The following GRIN2B variants were observed in gnomAD, a reference collection of about 807,000 sequenced individuals.
GRIN2B encodes glutamate receptor ionotropic, NMDA 2B.
Under a neutral mutation model 114.5 loss-of-function variants are expected in GRIN2B, and 5 were observed. The ratio of observed to expected loss-of-function variants is 0.04; its 90% CI spans 0.02 to 0.09. The LOEUF (loss-of-function observed/expected upper bound fraction) is 0.09, where lower values mean the gene tolerates loss of function less well. GRIN2B is among the 10% of genes least tolerant of loss of function. The pLI is 1.00. For missense variants in GRIN2B, 1,108 were observed against 1,943.5 expected, an observed-to-expected ratio of 0.57 and a Z score of 8.08; for synonymous variants, 787 against 745.1, an observed-to-expected ratio of 1.06 and a Z score of -0.92.
chr12:13,647,960 C>A (rs908299579), intron 5 of GRIN2B, among the ~76,000 whole-genome samples: 2 of 152,010 alleles, frequency 1.3e-5, no homozygotes, highest in African/African-American at 4.8e-5. Context: ...AGTCAGAGAG[C>A]ATTGGTTGAG....
At chr12:13,659,414 A>G (rs1296669061) in intron 5 of GRIN2B, among the ~76,000 whole-genome samples, 1 of 152,160 alleles carries the variant, frequency 6.6e-6, no homozygotes, top group Non-Finnish European at 1.5e-5. Flanking sequence ...GCATTCCTGC[A>G]GGCACCTAAG....
intron 2 of GRIN2B, among the ~76,000 whole-genome samples, chr12:13,956,610 G>A (rs1169114381): frequency 6.6e-6 from 1 of 152,148 alleles, no homozygotes; most frequent in African/African-American, 2.4e-5. Context: ...TGCCCTGTGT[G>A]GGCTCACATC....
chr12:13,765,140 T>C (rs1863757145), intron 3 of GRIN2B, among the ~76,000 whole-genome samples: 1 of 152,238 alleles, frequency 6.6e-6, no homozygotes, highest in Non-Finnish European at 1.5e-5. Context: ...GTTAATTCGG[T>C]ACTGCCTAAA....
In GRIN2B at chr12:13,564,132, T is replaced by C; in HGVS notation, c.3106A>G (p.Ser1036Gly). ...GLPSSKHSQL[S>G]DLYGKFSFKS... ...AAGGAGAATTTGCCGTACAGGTCAC[T>C]GAGCTGGCTGTGCTTGGAGGAGGGG... Residue 1036 changes from serine (S) to glycine (G), a missense_variant, in exon 14 of 14, where the codon AGT becomes GGT. This residue lies in a region of GRIN2B where 140 missense variants were observed against 187.5 expected (regional missense o/e 0.75). Coordinates refer to ENST00000609686, the MANE Select transcript of GRIN2B (RefSeq NM_000834.5). The surrounding 1 kb of genome is among the most constrained non-coding windows in gnomAD (Gnocchi z 4.8). 2 of 1,614,142 alleles carry C rather than the reference T, an allele frequency of 1.2e-6. No individual in the cohort carries two copies. Among genetic ancestry groups the C allele is most frequent in the African/African-American group, 1.3e-5 (1 of 75,046 alleles).
In GRIN2B at chr12:13,674,512, G is replaced by A. The variant is rs566962129; in HGVS notation, c.1125+1233C>T. ...CTGAGCCACACATGCCTAGTTTCTC[G>A]GGTGAGCATTCACACATTCACATAA... is the stretch of plus-strand genomic sequence containing the variant. On this transcript the variant is annotated intron_variant, in intron 5 of 13. Coordinates refer to ENST00000609686, the MANE Select transcript of GRIN2B (RefSeq NM_000834.5). 7.2e-5 allele frequency among the ~76,000 whole-genome samples: 11 copies of A among 152,156 alleles called. No individual in the cohort carries two copies. The South Asian group carries it at 8.3e-4, about 11-fold the overall frequency.
chr12:13,605,584 C>CACACA (rs3081919), intron 10 of GRIN2B, among the ~76,000 whole-genome samples: 8 of 149,252 alleles, frequency 5.4e-5, no homozygotes, highest in East Asian at 2.0e-4. Flanking sequence ...CACACACACA[C>CACACA]CTGTCTTCAT....
chr12:13,589,839 A>C (rs1378488662), intron 10 of GRIN2B, among the ~76,000 whole-genome samples: 1 of 152,132 alleles, frequency 6.6e-6, no homozygotes, highest in Non-Finnish European at 1.5e-5. Flanking sequence ...CAGGAACTAA[A>C]ACCACTGGGA....
Position 13,563,107 on chromosome 12 carries a change from G to C in GRIN2B, c.4131C>G (p.Leu1377=). The C allele has an allele frequency of 1.2e-6, 2 of 1,614,214 alleles. No individual in the cohort carries two copies. Among genetic ancestry groups the C allele is most frequent in the Non-Finnish European group, 1.7e-6 (2 of 1,180,042 alleles). The change falls in exon 14 of 14, where the codon CTC becomes CTG. Residue 1377 remains leucine, a synonymous_variant. Transcript: ENST00000609686. ...PGGGYMLSKS[L]YPDRVTQNPF... is the part of the protein sequence containing the mutation. ...GGTTTTGCGTGACCCGGTCAGGGTA[G>C]AGCGACTTGCTGAGCATGTACCCGC...
In GRIN2B at chr12:13,866,108, CTGGGGGGGCTCTTCTGAG is replaced by C; in HGVS notation, c.83_100del (p.Ser28_Ser34delinsCys). The C allele has an allele frequency of 6.2e-7, 1 of 1,613,956 alleles. No individual in the cohort carries two copies. The highest frequency in any genetic ancestry group is 8.5e-7 in the Non-Finnish European group (1 of 1,179,990). On this transcript the variant is annotated inframe_deletion, in exon 3 of 14. Coordinates refer to ENST00000609686, the MANE Select transcript of GRIN2B (RefSeq NM_000834.5). ...CACGAGGATGACAGCAATGCCAATG[CTGGGGGGGCTCTTCTGAG>C]AACGAGCTCTGCTGCCTGACACGGC...
chr12:13,640,429 A>G (rs749782917), intron 5 of GRIN2B, among the ~76,000 whole-genome samples: 1 of 152,104 alleles, frequency 6.6e-6, no homozygotes, highest in Non-Finnish European at 1.5e-5. Flanking sequence ...TGTTAAGCCT[A>G]TCTTGTCTCA....
rs1279207042 is a variant in GRIN2B, at chr12:13,729,779, A to G, written c.1010+23538T>C. Among the ~76,000 whole-genome samples the G allele has an allele frequency of 5.2e-5, 7 of 135,098 alleles. No homozygotes were observed. The Admixed American group carries it at 5.9e-4, about 11-fold the overall frequency. 88.6% of individuals were successfully genotyped at this position (135,098 alleles called of 152,430 possible). A position where few individuals can be genotyped will look rare whatever the true frequency, so the allele number is the denominator to read the frequency against. On this transcript the variant is annotated intron_variant, in intron 4 of 13. Transcript: ENST00000609686. Reference sequence around the variant, plus strand: ...ACAGGAGAAGAGAGAGACAGAAAGAAACCAGGAGTAGGGTGGGCGAGACAA... The same window carrying G: ...ACAGGAGAAGAGAGAGACAGAAAGAGACCAGGAGTAGGGTGGGCGAGACAA...
intron 3 of GRIN2B, among the ~76,000 whole-genome samples, chr12:13,767,761 TC>T (rs902354846): frequency 1.3e-5 from 2 of 152,218 alleles, no homozygotes; most frequent in African/African-American, 4.8e-5. Context: ...GAAAATGTCC[TC>T]TTTTGTTCAT....
chr12:13,722,253 G>T (rs934625449), intron 4 of GRIN2B, among the ~76,000 whole-genome samples: 2 of 152,110 alleles, frequency 1.3e-5, no homozygotes, highest in African/African-American at 4.8e-5. Flanking sequence ...TGTGGTCAAG[G>T]ATTTCAGGGG....
At position 13,753,759 on chromosome 12, in the gene GRIN2B, T is replaced by C. The variant is rs1863531293; in HGVS notation, c.568A>G (p.Ile190Val). The stretch of plus-strand genomic sequence containing the variant: ...TCCCAGCCCACAAAGCTATTCTCAA[T>C]GGTGCTGCGGATCTTGTTTACAAAG... ...QDFVNKIRST[I>V]ENSFVGWELE... is the part of the protein sequence containing the mutation. Residue 190 changes from isoleucine (I) to valine (V), a missense_variant, in exon 4 of 14, where the codon ATT becomes GTT. Transcript: ENST00000609686. This position sits in a 1 kb window ranked among gnomAD's most constrained non-coding sequence, Gnocchi z 6.2. 1.9e-6 allele frequency: 3 copies of C among 1,614,060 alleles called. No individual in the cohort carries two copies. The highest frequency in any genetic ancestry group is 2.5e-6 in the Non-Finnish European group (3 of 1,180,014).
At position 13,955,731 on chromosome 12, in the gene GRIN2B, C is replaced by T. The variant is rs373857688; in HGVS notation, c.-19+24197G>A. Among the ~76,000 whole-genome samples, 62 of 152,152 alleles carry T rather than the reference C, an allele frequency of 4.1e-4. No homozygotes were observed. In the East Asian group the frequency reaches 9.5e-3, roughly 23 times the overall value. On this transcript the variant is annotated intron_variant, in intron 2 of 13. Coordinates refer to ENST00000609686, the MANE Select transcript of GRIN2B (RefSeq NM_000834.5). Reference sequence around the variant, plus strand: ...CATACAATACTTTGAAACTACAAAACAAGTAGAAAAGGCAAATGAAGAGAT... The same window carrying T: ...CATACAATACTTTGAAACTACAAAATAAGTAGAAAAGGCAAATGAAGAGAT...
intron 4 of GRIN2B, among the ~76,000 whole-genome samples, chr12:13,732,629 G>A (rs1270817114): frequency 1.3e-5 from 2 of 152,172 alleles, no homozygotes; most frequent in African/African-American, 4.8e-5. Flanking sequence ...ACATTTTTGT[G>A]TATGGGGACT....
At chr12:13,783,569 T>G (rs74065301) in intron 3 of GRIN2B, among the ~76,000 whole-genome samples, 1,691 of 152,148 alleles carry the variant, frequency 0.011, 31 homozygotes, top group African/African-American at 0.038. Context: ...ACTGCAGTAA[T>G]AAGACGCGAT....
At chr12:13,612,964 A>G (rs1374654417) in intron 8 of GRIN2B, among the ~76,000 whole-genome samples, 3 of 152,236 alleles carry the variant, frequency 2.0e-5, no homozygotes, top group Admixed American at 2.0e-4. Flanking sequence ...GAAAATTAGA[A>G]AATATATTTC....
At chr12:13,937,084 T>TAAA (rs35666762) in intron 2 of GRIN2B, among the ~76,000 whole-genome samples, 64 of 18,592 alleles carry the variant, frequency 3.4e-3, no homozygotes, top group African/African-American at 8.4e-3. Context: ...AGCACAGAAA[T>TAAA]AAAAAAAAAA....
Sources: allele counts gnomAD v4.1 joint callset (sites outside exome capture counted in the v4.1 genomes callset), GRCh38; gene constraint gnomAD v4.1.1; regional missense constraint gnomAD v4.1.1; non-coding constraint Gnocchi (gnomAD v3.1); transcripts MANE v1.5; gene names NCBI Gene and HGNC (gene_info 2026-07-23, HGNC 2026-07-21).